Variants in SDK2 observed in about 807,000 individuals in gnomAD.
SDK2 encodes protein sidekick-2.
SDK2 carries 105 observed loss-of-function variants against 253.9 expected under a neutral mutation model. The ratio of observed to expected loss-of-function variants is 0.41; its 90% confidence interval spans 0.35 to 0.49. The LOEUF is 0.49. Ranked by LOEUF, SDK2 falls within the 20% of genes least tolerant of loss-of-function variation. The pLI is 0.06. For synonymous variants in SDK2, 1,249 were observed against 1,234.9 expected (o/e 1.01, Z -0.24); for missense variants, 2,608 against 3,003.0 (o/e 0.87, Z 3.07).
Position 73,435,679 on chromosome 17 carries a change from C to T in SDK2, c.1001-35G>A, listed in dbSNP as rs1368730602. 7 of 1,508,904 alleles carry T rather than the reference C, an allele frequency of 4.6e-6. No homozygotes were observed. The highest frequency in any genetic ancestry group is 2.5e-5 in the East Asian group (1 of 40,246). The allele number at this position is 1,508,904 out of a possible 1,614,324, so 93.5% of individuals were successfully genotyped here. A position where few individuals can be genotyped will look rare whatever the true frequency, so the allele number is the denominator to read the frequency against. ...AGACGTGGGCCCACCGTCAACCTGC[C>T]TCCTGCCTCCTCTCCGCCTAGGAGG... On this transcript the variant is annotated intron_variant, in intron 8 of 44. Transcript: ENST00000392650. This position sits in a 1 kb window ranked among gnomAD's most constrained non-coding sequence, Gnocchi z 5.7.
intron 1 of SDK2, among the ~76,000 whole-genome samples, chr17:73,593,345 G>A (rs978048331): frequency 3.3e-5 from 5 of 152,264 alleles, no homozygotes; most frequent in Admixed American, 2.6e-4. Flanking sequence ...GAATGAAGGA[G>A]CCTCAGCACC....
At chr17:73,607,810 C>G (rs2045926440) in intron 1 of SDK2, among the ~76,000 whole-genome samples, 1 of 150,818 alleles carries the variant, frequency 6.6e-6, no homozygotes, top group Middle Eastern at 3.5e-3. Context: ...ACGCTGCAGG[C>G]TTTTGAGCGA....
rs1038849799 is a variant in SDK2 at position 73,447,469 on chromosome 17, C to T, written c.613+146G>A. 1.7e-6 allele frequency: 2 copies of T among 1,181,350 alleles called. No individual in the cohort carries two copies. Among genetic ancestry groups the T allele is most frequent in the Admixed American group, 4.4e-5 (2 of 45,766 alleles). 73.2% of individuals were successfully genotyped at this position (1,181,350 alleles called of 1,614,324 possible). ...CACCCCTGGCTCTGCTGTGTCTCGTCCTCCTTGGGAAGGCTCCCCCCGGCC... is the reference window on the plus strand; with the variant it reads ...CACCCCTGGCTCTGCTGTGTCTCGTTCTCCTTGGGAAGGCTCCCCCCGGCC... On this transcript the variant is annotated intron_variant, in intron 5 of 44. Transcript: ENST00000392650. This position sits in a 1 kb window ranked among gnomAD's most constrained non-coding sequence, Gnocchi z 4.0.
At chr17:73,555,100 G>T (rs1466959668) in intron 1 of SDK2, among the ~76,000 whole-genome samples, 1 of 152,250 alleles carries the variant, frequency 6.6e-6, no homozygotes, top group Non-Finnish European at 1.5e-5. Flanking sequence ...GAACCCTAGA[G>T]CTTGCATTGT....
In SDK2 at chr17:73,391,311, C is replaced by T. The variant is rs2062926170; in HGVS notation, c.3997+129G>A. 7.0e-6 allele frequency: 3 copies of T among 429,672 alleles called. No homozygotes were observed. In the East Asian group the frequency reaches 1.1e-4, roughly 15 times the overall value. 26.6% of individuals were successfully genotyped at this position (429,672 alleles called of 1,614,324 possible). ...TAGCAGGAGGACTAACACCCAGATC[C>T]CATTCTAGAGGGGATGTGGAGGCTC... On this transcript the variant is annotated intron_variant, in intron 28 of 44. Coordinates refer to ENST00000392650, the MANE Select transcript of SDK2 (RefSeq NM_001144952.2).
At chr17:73,488,721 A>G (rs561922574) in intron 2 of SDK2, among the ~76,000 whole-genome samples, 42 of 152,200 alleles carry the variant, frequency 2.8e-4, no homozygotes, top group Non-Finnish European at 5.0e-4. Flanking sequence ...AAAGTGCCAT[A>G]AGTATTATAG....
intron 1 of SDK2, among the ~76,000 whole-genome samples, chr17:73,601,836 T>A (rs1265107848): frequency 6.6e-6 from 1 of 151,984 alleles, no homozygotes; most frequent in African/African-American, 2.4e-5. Flanking sequence ...CTCCGCCTCC[T>A]GGGTTCAAGT....
Position 73,419,660 on chromosome 17 carries a change from C to T in SDK2, c.2046-354G>A, listed in dbSNP as rs897564086. ...TGAGGCAAGAGGATTGCTTGAGGGC[C>T]AGAGTTCAAAACCAGCCTGGGCAAC... On this transcript the variant is annotated intron_variant, in intron 15 of 44. Coordinates refer to ENST00000392650, the MANE Select transcript of SDK2 (RefSeq NM_001144952.2). Among the ~76,000 whole-genome samples the T allele has an allele frequency of 8.2e-5, 12 of 146,844 alleles. No individual in the cohort carries two copies. The South Asian group carries it at 8.6e-4, about 11-fold the overall frequency.
Position 73,338,691 on chromosome 17 carries a change from T to G in SDK2, c.6415A>C (p.Asn2139His). The change falls in exon 45 of 45, where the codon AAC becomes CAC. Residue 2139 changes from asparagine (N) to histidine (H), a missense_variant. By Grantham distance (68) the Asn-to-His change is moderately conservative (BLOSUM62 1). This residue lies in a region of SDK2 where 1,103 missense variants were observed against 1,143.9 expected (regional missense o/e 0.96). Coordinates refer to ENST00000392650, the MANE Select transcript of SDK2 (RefSeq NM_001144952.2). This position sits in a 1 kb window ranked among gnomAD's most constrained non-coding sequence, Gnocchi z 5.0. Reference protein sequence around the residue: ...PKASRTPTPQNPPNPPSQQST... With the variant: ...PKASRTPTPQHPPNPPSQQST... ...TGCTGACTTGGGGGGTTAGGGGGGT[T>G]CTGGGGCGTTGGAGTCCGACTGGCC... is the stretch of plus-strand genomic sequence containing the variant. 6.2e-7 allele frequency: 1 copy of G among 1,604,446 alleles called. No individual in the cohort carries two copies. The highest frequency in any genetic ancestry group is 8.5e-7 in the Non-Finnish European group (1 of 1,174,958).
At chr17:73,411,817 G>A (rs556312602) in intron 18 of SDK2, among the ~76,000 whole-genome samples, 2 of 144,404 alleles carry the variant, frequency 1.4e-5, no homozygotes, top group Admixed American at 1.4e-4. Context: ...TCAGAGTCTC[G>A]CTGGAGTGTA....
Position 73,642,207 on chromosome 17 carries a change from G to A in SDK2, c.64+1818C>T, listed in dbSNP as rs1321342204. Among the ~76,000 whole-genome samples, 2 of 152,194 alleles carry A rather than the reference G, an allele frequency of 1.3e-5. No individual in the cohort carries two copies. Among genetic ancestry groups the A allele is most frequent in the Non-Finnish European group, 2.9e-5 (2 of 68,042 alleles). ...CACAGGTGTGGACGTGGGGCAGGAAGGGACACATGAAGACCCCAAAGCAAG... is the reference window on the plus strand; with the variant it reads ...CACAGGTGTGGACGTGGGGCAGGAAAGGACACATGAAGACCCCAAAGCAAG... On this transcript the variant is annotated intron_variant, in intron 1 of 44. Transcript: ENST00000392650. This position sits in a 1 kb window ranked among gnomAD's most constrained non-coding sequence, Gnocchi z 4.7.
At chr17:73,596,563 G>C (rs1408905375) in intron 1 of SDK2, among the ~76,000 whole-genome samples, 1 of 152,152 alleles carries the variant, frequency 6.6e-6, no homozygotes, top group African/African-American at 2.4e-5. Context: ...TCTGAAAGGG[G>C]GCGCTGGCTC....
chr17:73,597,814 T>G (rs1157682359), intron 1 of SDK2, among the ~76,000 whole-genome samples: 1 of 151,864 alleles, frequency 6.6e-6, no homozygotes, highest in Non-Finnish European at 1.5e-5. Flanking sequence ...CCCGGGTAAT[T>G]TTTTGTATTT....
At chr17:73,441,499 A>G (rs2063415684) in intron 5 of SDK2, among the ~76,000 whole-genome samples, 1 of 152,174 alleles carries the variant, frequency 6.6e-6, no homozygotes, top group African/African-American at 2.4e-5. Context: ...GTGTCCTTGT[A>G]AGAAGAGGGA....
chr17:73,402,781 T>C (rs187485825), intron 18 of SDK2, among the ~76,000 whole-genome samples: 4 of 151,792 alleles, frequency 2.6e-5, no homozygotes, highest in Non-Finnish European at 2.9e-5. Flanking sequence ...GCCCTGTATT[T>C]TATTTTATTA....
In SDK2 at chr17:73,379,198, A is replaced by G. The variant is rs754946969; in HGVS notation, c.4959T>C (p.Asn1653=). ...CTACCTTGTACCCCTGGATGTCTCC[A>G]TTCTGGCTGTCCAGCGGAGGTGGCT... ...TWEPPPLDSQ[N]GDIQGYKIYF... Residue 1653 remains asparagine (N), a synonymous_variant, in exon 36 of 45, where the codon AAT becomes AAC. Transcript: ENST00000392650. This position sits in a 1 kb window ranked among gnomAD's most constrained non-coding sequence, Gnocchi z 4.5. 2 of 1,558,212 alleles carry G rather than the reference A, an allele frequency of 1.3e-6. No individual in the cohort carries two copies. The highest frequency in any genetic ancestry group is 1.4e-5 in the African/African-American group (1 of 73,498).
chr17:73,594,476 G>A (rs1291970714), intron 1 of SDK2, among the ~76,000 whole-genome samples: 1 of 152,122 alleles, frequency 6.6e-6, no homozygotes, highest in Non-Finnish European at 1.5e-5. Flanking sequence ...GAGGAGATGG[G>A]AAGAGAGGGA....
At chr17:73,580,447 G>A (rs1027763643) in intron 1 of SDK2, among the ~76,000 whole-genome samples, 5 of 152,316 alleles carry the variant, frequency 3.3e-5, no homozygotes, top group East Asian at 1.9e-4. Flanking sequence ...TTGCCCCCTC[G>A]CAGGGACAGC....
intron 1 of SDK2, among the ~76,000 whole-genome samples, chr17:73,514,464 C>G (rs1462972402): frequency 1.3e-5 from 2 of 152,224 alleles, no homozygotes; most frequent in Non-Finnish European, 2.9e-5. Context: ...AGTCCCCAGG[C>G]TGTGTCCATC....
Sources: allele counts gnomAD v4.1 joint callset (sites outside exome capture counted in the v4.1 genomes callset), GRCh38; gene constraint gnomAD v4.1.1; regional missense constraint gnomAD v4.1.1; non-coding constraint Gnocchi (gnomAD v3.1); transcripts MANE v1.5; gene names NCBI Gene and HGNC (gene_info 2026-07-23, HGNC 2026-07-21).